PVT1: variants seen among roughly 807,000 people sequenced by gnomAD.
The protein encoded by PVT1 is Pvt1 oncogene.
At chr8:128,100,560 T>C (rs1814491506) in intron 6 of PVT1, among the ~76,000 whole-genome samples, 1 of 152,210 alleles carries the variant, frequency 6.6e-6, no homozygotes, top group Admixed American at 6.5e-5. Flanking sequence ...AAAGATGTTC[T>C]GACAAAGGCC....
chr8:128,020,820 C>T (rs1224091208), intron 4 of PVT1, among the ~76,000 whole-genome samples: 1 of 152,232 alleles, frequency 6.6e-6, no homozygotes, highest in Admixed American at 6.5e-5. Flanking sequence ...ATGCAGGCCC[C>T]AGGCCCCGCT....
chr8:127,972,157 G>A (rs1484809283), intron 3 of PVT1, among the ~76,000 whole-genome samples: 1 of 152,256 alleles, frequency 6.6e-6, no homozygotes, highest in African/African-American at 2.4e-5. Context: ...CCTTCAAGCT[G>A]CATGCTGGGG....
intron 2 of PVT1, among the ~76,000 whole-genome samples, chr8:127,797,521 G>A (rs768504799): frequency 1.2e-4 from 18 of 152,180 alleles, no homozygotes; most frequent in Non-Finnish European, 2.2e-4. Flanking sequence ...TCCCTAGAGA[G>A]TCTCAGAAAT....
At chr8:127,994,928 AT>A in intron 4 of PVT1, among the ~76,000 whole-genome samples, 1 of 152,352 alleles carries the variant, frequency 6.6e-6, no homozygotes, top group East Asian at 1.9e-4. Flanking sequence ...GAAGAGGACC[AT>A]CTGCTTTACT....
intron 5 of PVT1, among the ~76,000 whole-genome samples, chr8:128,083,802 G>A (rs1361678394): frequency 6.6e-6 from 1 of 152,180 alleles, no homozygotes; most frequent in African/African-American, 2.4e-5. Flanking sequence ...TAGTGTTTGA[G>A]GGAACTGGTG....
chr8:127,889,076 C>CTTCCTTCCTTCT, intron 2 of PVT1, among the ~76,000 whole-genome samples: 1 of 148,814 alleles, frequency 6.7e-6, no homozygotes, highest in South Asian at 2.1e-4. Context: ...TCCTTCCTTC[C>CTTCCTTCCTTCT]TTCCTTCCTT....
At chr8:128,025,032 G>C (rs1169430684) in intron 4 of PVT1, among the ~76,000 whole-genome samples, 1 of 152,226 alleles carries the variant, frequency 6.6e-6, no homozygotes, top group Non-Finnish European at 1.5e-5. Context: ...CACCTCCAAG[G>C]ATCTGAGGAG....
chr8:127,849,089 G>C (rs1461684224), intron 2 of PVT1, among the ~76,000 whole-genome samples: 1 of 152,202 alleles, frequency 6.6e-6, no homozygotes, highest in Non-Finnish European at 1.5e-5. Context: ...GCTGCTGAGA[G>C]CCTTATGGTG....
chr8:127,798,194 C>T (rs1207675852), intron 2 of PVT1, among the ~76,000 whole-genome samples: 1 of 151,940 alleles, frequency 6.6e-6, no homozygotes, highest in Admixed American at 6.6e-5. Context: ...ATTCCAGCTA[C>T]TTGGGAGTCT....
chr8:128,025,770 A>G (rs1817486006), intron 4 of PVT1, among the ~76,000 whole-genome samples: 2 of 152,154 alleles, frequency 1.3e-5, no homozygotes, highest in Non-Finnish European at 2.9e-5. Flanking sequence ...AAGCATTTTC[A>G]CATACATTAG....
intron 3 of PVT1, among the ~76,000 whole-genome samples, chr8:127,951,798 CA>C (rs1816508414): frequency 6.7e-6 from 1 of 149,246 alleles, no homozygotes; most frequent in African/African-American, 2.4e-5. Flanking sequence ...CTGCTCCTTA[CA>C]AAAACAAAAA....
intron 5 of PVT1, among the ~76,000 whole-genome samples, chr8:128,075,757 A>G (rs1409278640): frequency 6.6e-6 from 1 of 152,058 alleles, no homozygotes. Context: ...CATGGTAGCC[A>G]CTCTATTCTT....
chr8:127,962,978 T>C (rs1351675957), intron 3 of PVT1, among the ~76,000 whole-genome samples: 1 of 152,148 alleles, frequency 6.6e-6, no homozygotes, highest in Non-Finnish European at 1.5e-5. Flanking sequence ...AGATCCTCAC[T>C]GGGGTGGTCA....
intron 2 of PVT1, among the ~76,000 whole-genome samples, chr8:127,823,903 C>T (rs1814759824): frequency 6.6e-6 from 1 of 152,292 alleles, no homozygotes; most frequent in African/African-American, 2.4e-5. Context: ...CTTTAAGGGG[C>T]TATCTGAGGC....
intron 2 of PVT1, among the ~76,000 whole-genome samples, chr8:127,845,587 A>G (rs1291351278): frequency 1.3e-5 from 2 of 152,224 alleles, no homozygotes; most frequent in Non-Finnish European, 2.9e-5. Context: ...CCTTGACCCC[A>G]AACATACTTA....
intron 2 of PVT1, among the ~76,000 whole-genome samples, chr8:127,886,872 T>C (rs1815529277): frequency 6.6e-6 from 1 of 152,230 alleles, no homozygotes; most frequent in Non-Finnish European, 1.5e-5. Context: ...TTTGTTATAT[T>C]GAGCTATTAT....
At chr8:127,910,877 CTG>C (rs138999481) in intron 3 of PVT1, among the ~76,000 whole-genome samples, 5 of 143,624 alleles carry the variant, frequency 3.5e-5, no homozygotes, top group African/African-American at 5.5e-5. Context: ...TATCAGTCTG[CTG>C]TGTGTGTGTG....
chr8:127,853,388 G>A (rs1815126146), intron 2 of PVT1, among the ~76,000 whole-genome samples: 1 of 152,078 alleles, frequency 6.6e-6, no homozygotes, highest in Admixed American at 6.6e-5. Flanking sequence ...TGAGTTTGAG[G>A]GGCCTCTTTA....
At chr8:127,917,330 G>A (rs1410578560) in intron 3 of PVT1, among the ~76,000 whole-genome samples, 1 of 152,234 alleles carries the variant, frequency 6.6e-6, no homozygotes, top group Non-Finnish European at 1.5e-5. Flanking sequence ...TCATGAGGAG[G>A]CGATAGATAC....
Sources: gnomAD v4.1 joint callset for allele counts (sites outside exome capture counted in the v4.1 genomes callset) on GRCh38, gnomAD v4.1.1 for gene constraint, MANE v1.5 for transcripts, NCBI Gene and HGNC (gene_info 2026-07-23, HGNC 2026-07-21) for gene names.